Variants in TTC6 observed in about 807,000 individuals in gnomAD.
TTC6 encodes tetratricopeptide repeat domain 6, also known as tetratricopeptide repeat protein 6.
A neutral mutation model predicts 210.4 loss-of-function variants in TTC6; 172 were observed. The ratio of observed to expected loss-of-function variants is 0.82; its 90% CI spans 0.72 to 0.93. TTC6 has a LOEUF of 0.93. TTC6 is among the 40% of genes least tolerant of loss of function. TTC6 has a pLI of 0.00. For missense variants in TTC6, 2,414 were observed against 2,318.1 expected (o/e 1.04, Z -0.85); for synonymous variants, 804 against 819.6 (o/e 0.98, Z 0.32).
At chr14:37,650,454 T>G (rs1727428895) in intron 1 of TTC6, among the ~76,000 whole-genome samples, 1 of 152,238 alleles carries the variant, frequency 6.6e-6, no homozygotes, top group Non-Finnish European at 1.5e-5. Flanking sequence ...TATCTTATTC[T>G]ATTCTGCCCT....
chr14:37,750,937 T>G (rs2095949995), intron 12 of TTC6, 116 bp from the exon 15 acceptor site: 1 of 557,024 alleles, frequency 1.8e-6, no homozygotes, highest in African/African-American at 1.9e-5. Flanking sequence ...AATAAGAAAG[T>G]GTAATAGAGA....
intron 15 of TTC6, 49 bp from the exon 18 acceptor site, chr14:37,790,668 A>G (rs1025760057): frequency 9.0e-6 from 13 of 1,440,346 alleles, no homozygotes; most frequent in Admixed American, 2.0e-5. Context: ...TAATTTACCT[A>G]TGGTTATTTT....
intron 14 of TTC6, among the ~76,000 whole-genome samples, chr14:37,756,493 A>G (rs2095968221): frequency 6.6e-6 from 1 of 152,210 alleles, no homozygotes; most frequent in Admixed American, 6.5e-5. Flanking sequence ...TTTGTCATAA[A>G]TAGTTCTTAT....
chr14:37,820,799 C>T (rs981715240), intron 26 of TTC6, among the ~76,000 whole-genome samples: 4 of 152,100 alleles, frequency 2.6e-5, no homozygotes, highest in Admixed American at 6.5e-5. Flanking sequence ...GACTATGATT[C>T]CTGATAAGGA....
At chr14:37,726,101 T>A (rs2095872601) in intron 7 of TTC6, among the ~76,000 whole-genome samples, 1 of 152,140 alleles carries the variant, frequency 6.6e-6, no homozygotes, top group Non-Finnish European at 1.5e-5. Flanking sequence ...TTTTTTTTTC[T>A]TGGTTACAAT....
intron 1 of TTC6, among the ~76,000 whole-genome samples, chr14:37,637,312 G>T (rs565929863): frequency 3.6e-4 from 55 of 152,298 alleles, no homozygotes; most frequent in Non-Finnish European, 6.8e-4. Flanking sequence ...TGAGACATTG[G>T]ACTTTACCCA....
chr14:37,741,049 T>C (rs1386563212), intron 10 of TTC6, among the ~76,000 whole-genome samples: 1 of 152,178 alleles, frequency 6.6e-6, no homozygotes, highest in African/African-American at 2.4e-5. Flanking sequence ...GAAATTTGTA[T>C]GTGCTGCCAA....
At chr14:37,827,470 T>A in intron 29 of TTC6, 104 bp downstream of exon 31, 1 of 1,025,796 alleles carries the variant, frequency 9.7e-7, no homozygotes, top group Non-Finnish European at 1.4e-6. Context: ...AATAATGCAT[T>A]GGCTATTAGC....
At chr14:37,628,094 C>T (rs2095663436) in intron 1 of TTC6, among the ~76,000 whole-genome samples, 1 of 152,220 alleles carries the variant, frequency 6.6e-6, no homozygotes, top group South Asian at 2.1e-4. Context: ...CCTCAGCCTC[C>T]TGAGTAGCTG....
intron 1 of TTC6, among the ~76,000 whole-genome samples, chr14:37,624,652 T>G (rs1010474873): frequency 6.6e-6 from 1 of 152,138 alleles, no homozygotes; most frequent in Non-Finnish European, 1.5e-5. Flanking sequence ...GACGGAGTTT[T>G]GCTCTGTCGC....
At chr14:37,634,962 A>T (rs1459619193) in intron 1 of TTC6, among the ~76,000 whole-genome samples, 1 of 152,186 alleles carries the variant, frequency 6.6e-6, no homozygotes, top group African/African-American at 2.4e-5. Context: ...CCCTAGAAGG[A>T]TGAGTAAAGG....
intron 14 of TTC6, among the ~76,000 whole-genome samples, chr14:37,755,557 A>G (rs1474507515): frequency 6.6e-6 from 1 of 152,158 alleles, no homozygotes; most frequent in Non-Finnish European, 1.5e-5. Context: ...ATTTTTGTAT[A>G]AGGTGTAAGG....
chr14:37,814,962 C>G (rs2096138072), intron 25 of TTC6, among the ~76,000 whole-genome samples: 1 of 152,080 alleles, frequency 6.6e-6, no homozygotes, highest in African/African-American at 2.4e-5. Flanking sequence ...CATAGGGACA[C>G]TTTGTTCAGG....
intron 6 of TTC6, among the ~76,000 whole-genome samples, chr14:37,722,418 T>C (rs1385185534): frequency 6.6e-6 from 1 of 152,194 alleles, no homozygotes; most frequent in Non-Finnish European, 1.5e-5. Flanking sequence ...GCATCTGTAC[T>C]TTCCCTTGAG....
intron 1 of TTC6, among the ~76,000 whole-genome samples, chr14:37,657,394 A>G (rs1232770591): frequency 2.6e-5 from 4 of 151,432 alleles, no homozygotes; most frequent in Non-Finnish European, 5.9e-5. Context: ...AAACAAAAAA[A>G]TCTTTCTTAT....
chr14:37,595,826 A>C (rs1277265382), upstream of TTC6: 1 of 150,854 alleles, frequency 6.6e-6, no homozygotes, highest in Non-Finnish European at 1.5e-5. Context: ...GAGAATACAG[A>C]CTTTTTTTTT....
At chr14:37,793,904 G>T (rs1285171105) in intron 17 of TTC6, among the ~76,000 whole-genome samples, 2 of 152,102 alleles carry the variant, frequency 1.3e-5, no homozygotes, top group Non-Finnish European at 2.9e-5. Flanking sequence ...AGAAAAGTAG[G>T]GCTCACAAAA....
Position 37,680,277 on chromosome 14 carries a change from A to G in TTC6, c.1050+16A>G. ...ATCGCAAATGGTAAAGTCTTTAATA[A>G]AAATCCTCCTTGCCTCTGTTAAAGT... On this transcript the variant is annotated intron_variant, in intron 2 of 30. Transcript: ENST00000553443. 6.9e-7 allele frequency: 1 copy of G among 1,444,410 alleles called. No homozygotes were observed. Among genetic ancestry groups the G allele is most frequent in the Non-Finnish European group, 9.3e-7 (1 of 1,074,684 alleles). 89.5% of individuals were successfully genotyped at this position (1,444,410 alleles called of 1,614,324 possible).
chr14:37,605,778 G>A (rs1052966878), intron 1 of TTC6, among the ~76,000 whole-genome samples: 2 of 152,144 alleles, frequency 1.3e-5, no homozygotes, highest in African/African-American at 4.8e-5. Flanking sequence ...CTAAACATCA[G>A]CTACTACCTC....
Sources: gnomAD v4.1 joint callset for allele counts (sites outside exome capture counted in the v4.1 genomes callset) on GRCh38, gnomAD v4.1.1 for gene constraint, MANE v1.5 for transcripts, NCBI Gene and HGNC (gene_info 2026-07-23, HGNC 2026-07-21) for gene names.